Variants in SMURF2 observed in about 807,000 individuals in gnomAD.
The protein encoded by SMURF2 is E3 ubiquitin-protein ligase SMURF2.
In SMURF2, 48 loss-of-function variants were observed where a neutral mutation model predicts 109.6. That is an observed-to-expected ratio of 0.44 (90% confidence interval 0.35 to 0.56). SMURF2 has a LOEUF of 0.56. SMURF2 is among the 20% of genes least tolerant of loss of function. The probability of loss-of-function intolerance (pLI) is 0.01; values close to 1 mark genes in which losing one functional copy is unlikely to be tolerated. For missense variants in SMURF2, 575 were observed against 909.0 expected (o/e 0.63, Z 4.72); for synonymous variants, 288 against 317.1 (o/e 0.91, Z 0.97).
At chr17:64,550,757 CAAAAAAAAAAA>C (rs146307567) in intron 16 of SMURF2, among the ~76,000 whole-genome samples, 5 of 69,712 alleles carry the variant, frequency 7.2e-5, no homozygotes, top group Middle Eastern at 9.8e-3. Flanking sequence ...ACTCTGTCTC[CAAAAAAAAAAA>C]AAAAAAAAAG....
chr17:64,659,382 T>C (rs1299869535), intron 1 of SMURF2, among the ~76,000 whole-genome samples: 2 of 152,188 alleles, frequency 1.3e-5, no homozygotes, highest in African/African-American at 4.8e-5. Context: ...AAACCAAATA[T>C]AAATTCACTG....
At position 64,593,504 on chromosome 17, in the gene SMURF2, AC is replaced by A; in HGVS notation, c.269del (p.Gly90ValfsTer43). ...GACGAACACAACCGAGAAATCCAGC[AC>A]CTTGTTTCTTATGGATCTTCTTGTG... The part of the protein sequence containing the change: ...WNHKKIHKKQ[G>X]AGFLGCVRLL... On this transcript the variant is annotated frameshift_variant, in exon 4 of 19. Coordinates refer to ENST00000262435, the MANE Select transcript of SMURF2 (RefSeq NM_022739.4). LOFTEE classifies it high-confidence loss of function. 1 of 1,609,466 alleles carries A rather than the reference AC, an allele frequency of 6.2e-7. No individual in the cohort carries two copies. Among genetic ancestry groups the A allele is most frequent in the Non-Finnish European group, 8.5e-7 (1 of 1,177,598 alleles).
At chr17:64,559,406 C>T (rs1342911784) in intron 12 of SMURF2, among the ~76,000 whole-genome samples, 1 of 151,876 alleles carries the variant, frequency 6.6e-6, no homozygotes, top group Non-Finnish European at 1.5e-5. Flanking sequence ...CCAGCATGGC[C>T]AACATGGTGA....
chr17:64,570,627 G>GA (rs1239414489), intron 10 of SMURF2, among the ~76,000 whole-genome samples: 1 of 152,164 alleles, frequency 6.6e-6, no homozygotes, highest in African/African-American at 2.4e-5. Context: ...ACAGGCAGCT[G>GA]AAGCCAGAGC....
chr17:64,566,561 G>GTTTGGTTTTT (rs1969305868), intron 10 of SMURF2, among the ~76,000 whole-genome samples: 15 of 43,804 alleles, frequency 3.4e-4, no homozygotes, highest in African/African-American at 8.3e-4. Context: ...AAGCTTTCTG[G>GTTTGGTTTTT]TTTTTTTTTT....
chr17:64,609,223 T>A (rs1970010882), intron 1 of SMURF2, among the ~76,000 whole-genome samples: 1 of 152,020 alleles, frequency 6.6e-6, no homozygotes, highest in African/African-American at 2.4e-5. Flanking sequence ...TTCAATGCTA[T>A]CCCCATCAAG....
chr17:64,600,105 G>C (rs1417896242), intron 2 of SMURF2, among the ~76,000 whole-genome samples: 1 of 152,086 alleles, frequency 6.6e-6, no homozygotes, highest in African/African-American at 2.4e-5. Flanking sequence ...CCCACTAGGA[G>C]AAAGAAAGAC....
At chr17:64,579,565 G>A (rs911317482) in intron 8 of SMURF2, among the ~76,000 whole-genome samples, 1 of 152,134 alleles carries the variant, frequency 6.6e-6, no homozygotes, top group Non-Finnish European at 1.5e-5. Flanking sequence ...TATTGTAGAA[G>A]TATAACCACT....
intron 1 of SMURF2, 109 bp downstream of exon 1, chr17:64,661,719 AC>A: frequency 1.4e-6 from 1 of 711,116 alleles, no homozygotes; most frequent in Non-Finnish European, 1.9e-6. Context: ...CATTCCTCCG[AC>A]CCCCAACTCA....
chr17:64,602,355 A>G (rs539729578), intron 2 of SMURF2, among the ~76,000 whole-genome samples: 2 of 152,176 alleles, frequency 1.3e-5, no homozygotes, highest in East Asian at 1.9e-4. Flanking sequence ...AAGAAAAACA[A>G]TTTTTTCCAT....
At chr17:64,569,438 AG>A (rs1187035018) in intron 10 of SMURF2, among the ~76,000 whole-genome samples, 2 of 152,200 alleles carry the variant, frequency 1.3e-5, no homozygotes, top group African/African-American at 4.8e-5. Flanking sequence ...TTAGAAAAAT[AG>A]GCAAAAAAGA....
chr17:64,646,603 G>A (rs560875555), intron 1 of SMURF2, among the ~76,000 whole-genome samples: 77 of 150,856 alleles, frequency 5.1e-4, no homozygotes, highest in Non-Finnish European at 9.3e-4. Flanking sequence ...GGCTGGTCTC[G>A]AATTCATGAG....
At chr17:64,621,604 G>A (rs1021146562) in intron 1 of SMURF2, among the ~76,000 whole-genome samples, 1 of 150,374 alleles carries the variant, frequency 6.7e-6, no homozygotes, top group Admixed American at 6.7e-5. Flanking sequence ...GGCCAGGCAC[G>A]GTGGTTCATG....
intron 10 of SMURF2, among the ~76,000 whole-genome samples, chr17:64,570,168 T>C (rs1461406649): frequency 6.6e-6 from 1 of 152,204 alleles, no homozygotes; most frequent in Non-Finnish European, 1.5e-5. Context: ...ATTTTTTGCT[T>C]TATTAACCTA....
At chr17:64,638,320 T>C (rs1282407905) in intron 1 of SMURF2, among the ~76,000 whole-genome samples, 3 of 151,768 alleles carry the variant, frequency 2.0e-5, no homozygotes, top group African/African-American at 7.3e-5. Context: ...CTCACCTCAG[T>C]TTCTCAAAGT....
At chr17:64,549,372 A>G (rs190873739) in intron 16 of SMURF2, among the ~76,000 whole-genome samples, 51 of 151,554 alleles carry the variant, frequency 3.4e-4, no homozygotes, top group Non-Finnish European at 2.7e-4. Context: ...TCACTTCAGC[A>G]TAAGAGTTAA....
chr17:64,648,720 C>T (rs1253873378), intron 1 of SMURF2, among the ~76,000 whole-genome samples: 2 of 152,056 alleles, frequency 1.3e-5, no homozygotes, highest in East Asian at 3.9e-4. Flanking sequence ...TATAGTGAGC[C>T]ATAAGCCTGA....
At chr17:64,576,454 A>C (rs539867285) in intron 9 of SMURF2, among the ~76,000 whole-genome samples, 1 of 152,102 alleles carries the variant, frequency 6.6e-6, no homozygotes, top group Admixed American at 6.5e-5. Context: ...ACCTGAGGTC[A>C]GGTGCTCAAG....
At position 64,568,354 on chromosome 17, in the gene SMURF2, C is replaced by CTAAGTGTGTTGGA. The variant is rs1334068833; in HGVS notation, c.1016+3443_1016+3444insTCCAACACACTTA. Among the ~76,000 whole-genome samples, 21 of 152,236 alleles carry CTAAGTGTGTTGGA rather than the reference C, an allele frequency of 1.4e-4. 1 individual carries two copies. Among genetic ancestry groups the CTAAGTGTGTTGGA allele is most frequent in the Non-Finnish European group, 2.8e-4 (19 of 68,006 alleles). On this transcript the variant is annotated intron_variant, in intron 10 of 18. Transcript: ENST00000262435. ...GGGCCACACTGAAAGCCGTCCTGGG[C>CTAAGTGTGTTGGA]CCAGCCTAAGGGCCGTGAGTTGGAC...
Sources: gnomAD v4.1 joint callset for allele counts (sites outside exome capture counted in the v4.1 genomes callset) on GRCh38, gnomAD v4.1.1 for gene constraint, MANE v1.5 for transcripts, NCBI Gene and HGNC (gene_info 2026-07-23, HGNC 2026-07-21) for gene names.